The following SCN7A variants were observed in gnomAD, a reference collection of about 807,000 sequenced individuals.
The protein encoded by SCN7A is sodium voltage-gated channel alpha subunit 7, also known as sodium channel protein type 7 subunit alpha.
Under a neutral mutation model 155.2 loss-of-function variants are expected in SCN7A, and 138 were observed. The ratio of observed to expected loss-of-function variants is 0.89; its 90% CI spans 0.77 to 1.02. The LOEUF is 1.02. Ranked by LOEUF, SCN7A falls within the 50% of genes least tolerant of loss-of-function variation. The pLI, the probability that SCN7A is intolerant of heterozygous loss-of-function variation, is 0.00. For synonymous variants in SCN7A, 693 were observed against 649.0 expected, an observed-to-expected ratio of 1.07 and a Z score of -1.03; for missense variants, 2,058 against 1,986.6, an observed-to-expected ratio of 1.04 and a Z score of -0.68.
At chr2:166,418,734 T>C (rs1411726298) in intron 20 of SCN7A, among the ~76,000 whole-genome samples, 1 of 152,180 alleles carries the variant, frequency 6.6e-6, no homozygotes, top group Non-Finnish European at 1.5e-5. Flanking sequence ...AAAAATGCCA[T>C]GTCTTTTAGA....
At chr2:166,411,604 G>A (rs1309153036) in intron 23 of SCN7A, among the ~76,000 whole-genome samples, 1 of 151,970 alleles carries the variant, frequency 6.6e-6, no homozygotes, top group East Asian at 1.9e-4. Context: ...TGTGAAGAAT[G>A]AAAAATAAAT....
intron 10 of SCN7A, among the ~76,000 whole-genome samples, chr2:166,460,330 T>C (rs763076714): frequency 7.2e-5 from 11 of 152,194 alleles, no homozygotes; most frequent in Non-Finnish European, 4.4e-5. Flanking sequence ...TACAGTGATA[T>C]AGCCCATACA....
chr2:166,473,544 G>C (rs1015675052), intron 5 of SCN7A, among the ~76,000 whole-genome samples: 1 of 151,458 alleles, frequency 6.6e-6, no homozygotes, highest in African/African-American at 2.4e-5. Context: ...AGAACAGAAA[G>C]GGAGAAAGTG....
At position 166,470,602 on chromosome 2, in the gene SCN7A, T is replaced by A. The variant is rs1479426181; in HGVS notation, c.664+13A>T. The A allele has an allele frequency of 6.3e-7, 1 of 1,587,230 alleles. No individual in the cohort carries two copies. Among genetic ancestry groups the A allele is most frequent in the African/African-American group, 1.3e-5 (1 of 74,170 alleles). ...AACAAAATGAAGAAAAGACATTCAA[T>A]GCAATTTCTTACCTTGATTTAAAGG... On this transcript the variant is annotated intron_variant, in intron 7 of 25. Coordinates refer to ENST00000643258, the MANE Select transcript of SCN7A (RefSeq NM_002976.4).
chr2:166,408,906 C>T (rs1701135346), intron 25 of SCN7A, among the ~76,000 whole-genome samples: 3 of 151,928 alleles, frequency 2.0e-5, no homozygotes, highest in Admixed American at 2.0e-4. Flanking sequence ...TGGCTATCTC[C>T]TTATCTGAAA....
At chr2:166,430,612 C>T (rs1701713828) in intron 16 of SCN7A, among the ~76,000 whole-genome samples, 1 of 151,728 alleles carries the variant, frequency 6.6e-6, no homozygotes, top group African/African-American at 2.4e-5. Flanking sequence ...AATTAAGACT[C>T]AAATTATAAA....
intron 23 of SCN7A, among the ~76,000 whole-genome samples, chr2:166,410,782 G>T (rs1701185228): frequency 1.3e-5 from 2 of 151,880 alleles, no homozygotes; most frequent in South Asian, 2.1e-4. Context: ...TATCAGAAGA[G>T]TTTTTTTTAC....
Position 166,416,748 on chromosome 2 carries a change from A to C in SCN7A, c.3373T>G (p.Phe1125Val). 3 of 1,611,722 alleles carry C rather than the reference A, an allele frequency of 1.9e-6. No individual in the cohort carries two copies. Among genetic ancestry groups the C allele is most frequent in the Non-Finnish European group, 2.5e-6 (3 of 1,178,726 alleles). The change falls in exon 21 of 26, where the codon TTT becomes GTT. Residue 1125 changes from phenylalanine (F) to valine (V), a missense_variant. Coordinates refer to ENST00000643258, the MANE Select transcript of SCN7A (RefSeq NM_002976.4). The part of the protein sequence containing the change: ...SMLWENAKMN[F>V]DNVGNGFLSL... ...AGGAAACCATTTCCAACATTATCAA[A>C]GTTCATTTTTGCATTTTCCCATAGC...
At chr2:166,481,708 G>A (rs1702931230) in intron 2 of SCN7A, among the ~76,000 whole-genome samples, 1 of 152,084 alleles carries the variant, frequency 6.6e-6, no homozygotes, top group East Asian at 1.9e-4. Context: ...GTCTTCAAAT[G>A]GAACCAGAAG....
At chr2:166,467,433 T>G (rs770002208) in intron 7 of SCN7A, among the ~76,000 whole-genome samples, 1 of 151,014 alleles carries the variant, frequency 6.6e-6, no homozygotes, top group South Asian at 2.1e-4. Flanking sequence ...AGAGCAATTC[T>G]TAAAGAAAAA....
rs148715564 is a variant in SCN7A at position 166,432,502 on chromosome 2, T to C, written c.2408A>G (p.Asp803Gly). The C allele has an allele frequency of 9.3e-6, 15 of 1,613,712 alleles. No homozygotes were observed. The East Asian group carries it at 3.3e-4, about 36-fold the overall frequency. Reference protein sequence around the residue: ...HTLSELSNTQDFLKDKEKSSG... With the variant: ...HTLSELSNTQGFLKDKEKSSG... ...GCTTTTTTCCTTATCTTTGAGAAAA[T>C]CTTGGGTGTTGCTCAATTCAGAAAG... Residue 803 changes from aspartate (D) to glycine (G), a missense_variant, in exon 16 of 26, where the codon GAT (aspartate) becomes GGT (glycine). Coordinates refer to ENST00000643258, the MANE Select transcript of SCN7A (RefSeq NM_002976.4).
intron 3 of SCN7A, among the ~76,000 whole-genome samples, chr2:166,476,170 T>C (rs1012985673): frequency 1.3e-5 from 2 of 151,900 alleles, no homozygotes; most frequent in Non-Finnish European, 2.9e-5. Flanking sequence ...ATAATGCCCA[T>C]GGAGGCTACC....
chr2:166,437,120 A>T (rs1701855865), intron 15 of SCN7A, among the ~76,000 whole-genome samples: 1 of 152,242 alleles, frequency 6.6e-6, no homozygotes, highest in African/African-American at 2.4e-5. Flanking sequence ...AGCCCCTCTC[A>T]TAACAGGGCA....
chr2:166,457,190 G>C, intron 10 of SCN7A, 114 bp from the exon 11 acceptor site: 15 of 730,582 alleles, frequency 2.1e-5, no homozygotes, highest in Non-Finnish European at 3.3e-5. Flanking sequence ...AGTCATAAAT[G>C]GAATGTAATC....
At chr2:166,450,545 T>C (rs984403305) in intron 11 of SCN7A, among the ~76,000 whole-genome samples, 12 of 152,200 alleles carry the variant, frequency 7.9e-5, no homozygotes, top group African/African-American at 2.9e-4. Context: ...CTCACGCCTG[T>C]AATCCCAGCA....
rs1288507014 is a variant in SCN7A, at chr2:166,406,256, G to A, written c.4373C>T (p.Pro1458Leu). ...ACAATCTCCTCTAACTTGAGTCCCAGGGTTAATTTTATCAGGATCACAGTC... is the reference window on the plus strand; with the variant it reads ...ACAATCTCCTCTAACTTGAGTCCCAAGGTTAATTTTATCAGGATCACAGTC... Reference protein sequence around the residue: ...WSDCDPDKINPGTQVRGDCGN... With the variant: ...WSDCDPDKINLGTQVRGDCGN... The change falls in exon 26 of 26, where the codon CCT becomes CTT. Residue 1458 changes from proline to leucine, a missense_variant. By Grantham distance (98) the Pro-to-Leu change is moderately conservative. Transcript: ENST00000643258. 1 of 1,613,110 alleles carries A rather than the reference G, an allele frequency of 6.2e-7. No individual in the cohort carries two copies. The highest frequency in any genetic ancestry group is 8.5e-7 in the Non-Finnish European group (1 of 1,179,526).
intron 21 of SCN7A, among the ~76,000 whole-genome samples, chr2:166,414,249 TATATAG>T (rs1169184801): frequency 1.5e-5 from 1 of 66,490 alleles, no homozygotes; most frequent in African/African-American, 5.1e-5. Flanking sequence ...TATGTAAATA[TATATAG>T]ATATATATAC....
intron 1 of SCN7A, among the ~76,000 whole-genome samples, chr2:166,488,568 C>T (rs147118603): frequency 1.3e-5 from 2 of 151,914 alleles, no homozygotes; most frequent in African/African-American, 2.4e-5. Flanking sequence ...AGGCTACCCA[C>T]ACACAGTGCA....
intron 7 of SCN7A, among the ~76,000 whole-genome samples, chr2:166,469,791 C>A (rs542281526): frequency 4.2e-4 from 64 of 152,008 alleles, no homozygotes; most frequent in African/African-American, 1.4e-3. Flanking sequence ...AGCTGCCATG[C>A]CACAGACAGT....
Sources: allele counts gnomAD v4.1 joint callset (sites outside exome capture counted in the v4.1 genomes callset), GRCh38; gene constraint gnomAD v4.1.1; transcripts MANE v1.5; gene names NCBI Gene and HGNC (gene_info 2026-07-23, HGNC 2026-07-21).